SMARCA2: variants seen among roughly 807,000 people sequenced by gnomAD.
The protein encoded by SMARCA2 is SWI/SNF related BAF chromatin remodeling complex subunit ATPase 2.
Under a neutral mutation model 199.8 loss-of-function variants are expected in SMARCA2, and 61 were observed. The observed-to-expected ratio is 0.31, with a 90% CI of 0.25 to 0.38. The LOEUF is 0.38. Among genes scored for constraint, SMARCA2 ranks in the 10% least tolerant of loss-of-function variants. SMARCA2 has a pLI of 1.00. For synonymous variants in SMARCA2, 935 were observed against 732.0 expected, an observed-to-expected ratio of 1.28 and a Z score of -4.48; for missense variants, 1,344 against 2,012.2, an observed-to-expected ratio of 0.67 and a Z score of 6.35.
intron 33 of SMARCA2, 136 bp downstream of exon 33, chr9:2,191,544 T>C (rs1052147051): frequency 1.1e-6 from 1 of 944,356 alleles, no homozygotes; most frequent in Non-Finnish European, 1.6e-6. Flanking sequence ...GAGATTTCAT[T>C]ATTGAGGGAT....
chr9:2,021,215 T>C (rs984366276), intron 1 of SMARCA2, among the ~76,000 whole-genome samples: 2 of 152,186 alleles, frequency 1.3e-5, no homozygotes, highest in African/African-American at 2.4e-5. Flanking sequence ...CTGGCCCTTT[T>C]GTAAGTTGAT....
At chr9:2,069,947 C>A (rs55816078) in intron 9 of SMARCA2, among the ~76,000 whole-genome samples, 2 of 152,126 alleles carry the variant, frequency 1.3e-5, no homozygotes, top group Admixed American at 6.5e-5. Context: ...CTCCTTCCCC[C>A]CCAGTAGTCC....
chr9:2,023,443 A>G (rs1818690398), intron 1 of SMARCA2, among the ~76,000 whole-genome samples: 1 of 152,218 alleles, frequency 6.6e-6, no homozygotes, highest in Non-Finnish European at 1.5e-5. Context: ...TTTGAAACGA[A>G]TGGGAAAGTG....
rs1325256248 is a variant in SMARCA2 at position 2,169,982 on chromosome 9, A to C, written c.4200-437A>C. On this transcript the variant is annotated intron_variant, in intron 28 of 33. Transcript: ENST00000349721. The surrounding 1 kb of genome is among the most constrained non-coding windows in gnomAD (Gnocchi z 6.5). ...TTCTTTGTGCAGGCTACTGTAAGAA[A>C]GCACTTTATCCTATTTAATTTTTAT... Among the ~76,000 whole-genome samples, 1 of 152,188 alleles carries C rather than the reference A, an allele frequency of 6.6e-6. No individual in the cohort carries two copies. The highest frequency in any genetic ancestry group is 1.5e-5 in the Non-Finnish European group (1 of 68,030).
At position 2,056,429 on chromosome 9, in the gene SMARCA2, A is replaced by G. The variant is rs1820357535; in HGVS notation, c.1174-243A>G. 6.6e-6 allele frequency among the ~76,000 whole-genome samples: 1 copy of G among 152,242 alleles called. No individual in the cohort carries two copies. Among genetic ancestry groups the G allele is most frequent in the Admixed American group, 6.5e-5 (1 of 15,292 alleles). ...AACATCTTTTCTTTCTTTTACTGTT[A>G]CAGTACTATAATTGCTTTTGATTTG... On this transcript the variant is annotated intron_variant, in intron 6 of 33. Transcript: ENST00000349721. This position sits in a 1 kb window ranked among gnomAD's most constrained non-coding sequence, Gnocchi z 4.0.
intron 27 of SMARCA2, among the ~76,000 whole-genome samples, chr9:2,149,349 C>G (rs1185278300): frequency 6.6e-6 from 1 of 150,832 alleles, no homozygotes; most frequent in African/African-American, 2.4e-5. Context: ...GAAACCCCAT[C>G]TCTACAAAAA....
chr9:2,034,893 A>G (rs1445447500), intron 3 of SMARCA2, among the ~76,000 whole-genome samples: 1 of 152,202 alleles, frequency 6.6e-6, no homozygotes, highest in Non-Finnish European at 1.5e-5. Flanking sequence ...GAATTTTTGC[A>G]GTACAAGAAG....
At chr9:2,107,348 A>G (rs1286906345) in intron 23 of SMARCA2, among the ~76,000 whole-genome samples, 2 of 152,158 alleles carry the variant, frequency 1.3e-5, no homozygotes, top group African/African-American at 4.8e-5. Context: ...TTTTATTGAG[A>G]CGGAGTCTCG....
intron 27 of SMARCA2, among the ~76,000 whole-genome samples, chr9:2,142,081 TC>T (rs1824489223): frequency 6.6e-6 from 1 of 152,152 alleles, no homozygotes; most frequent in Admixed American, 6.5e-5. Context: ...AGTTTCCCTC[TC>T]CTTGGTTGTC....
intron 27 of SMARCA2, chr9:2,157,929 T>C (rs1825453703): frequency 2.5e-6 from 1 of 398,388 alleles, no homozygotes; most frequent in East Asian, 3.6e-5. Context: ...TGGACCCACG[T>C]GTGGCTGCTT....
At chr9:2,053,571 G>A (rs1820221324) in intron 5 of SMARCA2, among the ~76,000 whole-genome samples, 1 of 152,180 alleles carries the variant, frequency 6.6e-6, no homozygotes, top group African/African-American at 2.4e-5. Context: ...GTGTGTGTAA[G>A]AGAGAGACAA....
intron 33 of SMARCA2, 137 bp from the exon 34 acceptor site, chr9:2,192,566 TC>T: frequency 1.4e-6 from 1 of 728,008 alleles, no homozygotes; most frequent in South Asian, 1.5e-5. Context: ...TGTGTTTCTG[TC>T]CTCCCACGGA....
At chr9:2,127,776 T>C (rs1823761290) in intron 27 of SMARCA2, among the ~76,000 whole-genome samples, 1 of 152,226 alleles carries the variant, frequency 6.6e-6, no homozygotes. Context: ...ATTTAAGTGT[T>C]ATGGTCACTT....
Position 2,086,219 on chromosome 9 carries a change from T to C in SMARCA2, c.2527-610T>C, listed in dbSNP as rs970048684. 2.0e-5 allele frequency: 3 copies of C among 153,252 alleles called. No homozygotes were observed. Among genetic ancestry groups the C allele is most frequent in the Admixed American group, 1.9e-4 (3 of 15,416 alleles). The allele number at this position is 153,252 out of a possible 1,614,324, so 9.5% of individuals were successfully genotyped here. ...CAGACCTAATTTTTGAAAAGCCGTATGTACAAATTTAATGTGAAATAGTCC... is the reference window on the plus strand; with the variant it reads ...CAGACCTAATTTTTGAAAAGCCGTACGTACAAATTTAATGTGAAATAGTCC... On this transcript the variant is annotated intron_variant, in intron 17 of 33. Transcript: ENST00000349721. The surrounding 1 kb of genome is among the most constrained non-coding windows in gnomAD (Gnocchi z 4.3).
intron 4 of SMARCA2, chr9:2,044,648 C>G (rs1819757515): frequency 6.6e-6 from 1 of 152,214 alleles, no homozygotes; most frequent in Non-Finnish European, 1.5e-5. Flanking sequence ...GATGAGGACA[C>G]TGAGCCACAG....
intron 27 of SMARCA2, among the ~76,000 whole-genome samples, chr9:2,128,041 G>C (rs1586733127): frequency 6.6e-6 from 1 of 152,186 alleles, no homozygotes; most frequent in Middle Eastern, 3.4e-3. Context: ...CTTAGTGTTA[G>C]CTGGTCTCAA....
At chr9:2,100,702 C>CAA (rs923678613) in intron 21 of SMARCA2, among the ~76,000 whole-genome samples, 2 of 110,126 alleles carry the variant, frequency 1.8e-5, no homozygotes, top group South Asian at 2.8e-4. Flanking sequence ...GACTCTGTCT[C>CAA]AAAAAAAAAA....
chr9:2,190,245 C>CTGTT (rs2129991492), intron 32 of SMARCA2, among the ~76,000 whole-genome samples: 1 of 152,256 alleles, frequency 6.6e-6, no homozygotes, highest in East Asian at 1.9e-4. Context: ...TGACAGAGCA[C>CTGTT]TGTTAGAAAT....
At chr9:2,042,859 A>C (rs1819671639) in intron 4 of SMARCA2, 1 of 152,174 alleles carries the variant, frequency 6.6e-6, no homozygotes. Context: ...GGAGGAAAGA[A>C]GATATCTCCT....
Sources: allele counts gnomAD v4.1 joint callset (sites outside exome capture counted in the v4.1 genomes callset), GRCh38; gene constraint gnomAD v4.1.1; non-coding constraint Gnocchi (gnomAD v3.1); transcripts MANE v1.5; gene names NCBI Gene and HGNC (gene_info 2026-07-23, HGNC 2026-07-21).